The following CADPS2 variants were observed in gnomAD, a reference collection of about 807,000 sequenced individuals.
The protein encoded by CADPS2 is calcium-dependent secretion activator 2.
Under a neutral mutation model 172.5 loss-of-function variants are expected in CADPS2, and 93 were observed. That is an observed-to-expected ratio of 0.54 (90% CI 0.46 to 0.64). The LOEUF (loss-of-function observed/expected upper bound fraction) is 0.64, where lower values mean the gene tolerates loss of function less well. Among genes scored for constraint, CADPS2 ranks in the 30% least tolerant of loss-of-function variants. CADPS2 has a pLI of 0.00. For synonymous variants in CADPS2, 546 were observed against 555.2 expected (o/e 0.98, Z 0.23); for missense variants, 1,420 against 1,565.9 (o/e 0.91, Z 1.57).
intron 5 of CADPS2, among the ~76,000 whole-genome samples, chr7:122,615,889 G>T (rs1008316609): frequency 6.6e-6 from 1 of 151,638 alleles, no homozygotes; most frequent in African/African-American, 2.4e-5. Context: ...ATACTAACTT[G>T]GTAAGAAAAA....
Position 122,733,084 on chromosome 7 carries a change from G to GT in CADPS2, c.453+3870dup, listed in dbSNP as rs1487526163. On this transcript the variant is annotated intron_variant, in intron 2 of 29. Transcript: ENST00000449022. Reference sequence around the variant, plus strand: ...CCTGAAAACACAGACTTCAAATGATGTAAGAAGCCACAAAAGATCATAGAA... The same window carrying GT: ...CCTGAAAACACAGACTTCAAATGATGTTAAGAAGCCACAAAAGATCATAGAA... Among the ~76,000 whole-genome samples, 6 of 151,368 alleles carry GT rather than the reference G, an allele frequency of 4.0e-5. No homozygotes were observed. In the East Asian group the frequency reaches 9.7e-4, roughly 24 times the overall value.
chr7:122,764,119 C>T (rs2093473680), intron 1 of CADPS2, among the ~76,000 whole-genome samples: 1 of 152,108 alleles, frequency 6.6e-6, no homozygotes, highest in Non-Finnish European at 1.5e-5. Flanking sequence ...TCCCCACATA[C>T]TTGTTTCACT....
chr7:122,590,470 T>G (rs1395776722), intron 6 of CADPS2, among the ~76,000 whole-genome samples: 1 of 151,942 alleles, frequency 6.6e-6, no homozygotes, highest in Non-Finnish European at 1.5e-5. Flanking sequence ...TTTTCAAGAC[T>G]TAAGACATTC....
chr7:122,587,625 T>C (rs1176687391), intron 6 of CADPS2, among the ~76,000 whole-genome samples: 1 of 152,216 alleles, frequency 6.6e-6, no homozygotes, highest in African/African-American at 2.4e-5. Flanking sequence ...CTTTGGTATA[T>C]ACCCAGTAAT....
At chr7:122,325,731 C>A (rs572575426) in intron 28 of CADPS2, 150 bp from the exon 29 acceptor site, 2 of 585,800 alleles carry the variant, frequency 3.4e-6, no homozygotes, top group Non-Finnish European at 6.1e-6. Context: ...GCTATAATTT[C>A]CTGTTAACAG....
chr7:122,496,771 G>C (rs2058764035), intron 9 of CADPS2, among the ~76,000 whole-genome samples: 1 of 151,986 alleles, frequency 6.6e-6, no homozygotes, highest in South Asian at 2.1e-4. Flanking sequence ...TTTTTAATCA[G>C]TGTTTTGTTT....
intron 2 of CADPS2, among the ~76,000 whole-genome samples, chr7:122,718,511 C>A (rs762001590): frequency 1.3e-5 from 2 of 152,038 alleles, no homozygotes; most frequent in African/African-American, 2.4e-5. Flanking sequence ...TAAGGGTAGC[C>A]ATGGCCTTCT....
intron 3 of CADPS2, among the ~76,000 whole-genome samples, chr7:122,649,448 G>A (rs985162310): frequency 6.6e-6 from 1 of 152,184 alleles, no homozygotes; most frequent in Admixed American, 6.5e-5. Context: ...CAGATGGGAT[G>A]TCAGGCCAGT....
At chr7:122,579,245 G>A (rs2068472924) in intron 7 of CADPS2, among the ~76,000 whole-genome samples, 2 of 151,774 alleles carry the variant, frequency 1.3e-5, no homozygotes, top group Admixed American at 1.3e-4. Flanking sequence ...GCAATGTCTG[G>A]AGACATTTTT....
intron 17 of CADPS2, among the ~76,000 whole-genome samples, chr7:122,424,709 G>A (rs551492866): frequency 6.6e-6 from 1 of 152,266 alleles, no homozygotes; most frequent in South Asian, 2.1e-4. Flanking sequence ...AAACACATTC[G>A]GCCCAATTTG....
At chr7:122,775,076 T>G (rs2093832949) in intron 1 of CADPS2, among the ~76,000 whole-genome samples, 1 of 152,188 alleles carries the variant, frequency 6.6e-6, no homozygotes, top group Non-Finnish European at 1.5e-5. Flanking sequence ...TTTTATATAT[T>G]CAGTTGCTAG....
intron 1 of CADPS2, among the ~76,000 whole-genome samples, chr7:122,816,210 T>C (rs556684530): frequency 7.2e-6 from 1 of 139,694 alleles, no homozygotes; most frequent in South Asian, 2.7e-4. Context: ...CAGCCTCTTC[T>C]AACCATTATT....
At chr7:122,680,716 A>T (rs1397597636) in intron 2 of CADPS2, among the ~76,000 whole-genome samples, 4 of 152,230 alleles carry the variant, frequency 2.6e-5, no homozygotes, top group Non-Finnish European at 4.4e-5. Flanking sequence ...TGTCTCAAAA[A>T]GAAAAACAAT....
At chr7:122,591,660 C>G (rs1399471522) in intron 6 of CADPS2, among the ~76,000 whole-genome samples, 1 of 152,032 alleles carries the variant, frequency 6.6e-6, no homozygotes, top group Non-Finnish European at 1.5e-5. Context: ...TGGAACAGAA[C>G]AGAACCCTCA....
At chr7:122,768,470 G>A (rs1189745399) in intron 1 of CADPS2, among the ~76,000 whole-genome samples, 1 of 152,016 alleles carries the variant, frequency 6.6e-6, no homozygotes, top group Non-Finnish European at 1.5e-5. Context: ...TTAATCTTAA[G>A]GTCTAGAAAT....
chr7:122,564,016 A>T (rs1487018071), intron 7 of CADPS2, among the ~76,000 whole-genome samples: 36 of 152,014 alleles, frequency 2.4e-4, no homozygotes, highest in Admixed American at 2.4e-3. Flanking sequence ...GGGATGATCA[A>T]CCATTAAGTA....
At chr7:122,611,108 GAAAA>G (rs1416743237) in intron 6 of CADPS2, among the ~76,000 whole-genome samples, 2 of 151,794 alleles carry the variant, frequency 1.3e-5, no homozygotes, top group African/African-American at 4.8e-5. Flanking sequence ...CCTATTTTAA[GAAAA>G]AAGAAAGATC....
intron 6 of CADPS2, among the ~76,000 whole-genome samples, chr7:122,610,970 A>G (rs2074223595): frequency 6.6e-6 from 1 of 152,208 alleles, no homozygotes; most frequent in Middle Eastern, 3.4e-3. Context: ...CATTGACTCT[A>G]TTTACTACAG....
At position 122,621,595 on chromosome 7, in the gene CADPS2, C is replaced by A. The variant is rs771502515; in HGVS notation, c.990G>T (p.Pro330=). ...GTTTTAATTTTTGTAATTTAAATTC[C>A]GGACCACCTTTCGAAACTGGAAGAC... ...LESLPVSKGG[P]EFKLQKLKRS... The change falls in exon 5 of 30, where the codon CCG becomes CCT. Residue 330 remains proline (P), a synonymous_variant. Coordinates refer to ENST00000449022, the MANE Select transcript of CADPS2 (RefSeq NM_017954.11). The A allele has an allele frequency of 3.1e-6, 5 of 1,613,540 alleles. No individual in the cohort carries two copies. In the African/African-American group the frequency reaches 4.0e-5, roughly 13 times the overall value.
Sources: allele counts gnomAD v4.1 joint callset (sites outside exome capture counted in the v4.1 genomes callset), GRCh38; gene constraint gnomAD v4.1.1; transcripts MANE v1.5; gene names NCBI Gene and HGNC (gene_info 2026-07-23, HGNC 2026-07-21).